The following NUP205 variants were observed in gnomAD, a reference collection of about 807,000 sequenced individuals.
The protein encoded by NUP205 is nuclear pore complex protein Nup205.
NUP205 carries 76 observed loss-of-function variants against 253.8 expected under a neutral mutation model. The observed-to-expected ratio is 0.30, with a 90% CI of 0.25 to 0.36. NUP205 has a LOEUF of 0.36. Ranked by LOEUF, NUP205 falls within the 10% of genes least tolerant of loss-of-function variation. NUP205 has a pLI of 1.00. For synonymous variants in NUP205, 832 were observed against 850.1 expected (o/e 0.98, Z 0.37); for missense variants, 2,162 against 2,425.5 (o/e 0.89, Z 2.28).
In NUP205 at chr7:135,616,264, A is replaced by G. The variant is rs572723742; in HGVS notation, c.3460+199A>G. The stretch of plus-strand genomic sequence containing the variant: ...TTATTTTAAGCATCCATATTACACT[A>G]TAATCATACCGGTATTATATACAAA... On this transcript the variant is annotated intron_variant, in intron 24 of 42. Transcript: ENST00000285968. Among the ~76,000 whole-genome samples, 4 of 152,304 alleles carry G rather than the reference A, an allele frequency of 2.6e-5. No individual in the cohort carries two copies. In the South Asian group the frequency reaches 6.2e-4, roughly 24 times the overall value.
rs78913303 is a variant in NUP205 at position 135,593,180 on chromosome 7, C to T, written c.1818C>T (p.Thr606=). The T allele has an allele frequency of 2.4e-3, 3,912 of 1,613,996 alleles. 87 individuals carry two copies. The African/African-American group carries it at 0.046, about 19-fold the overall frequency. The change falls in exon 12 of 43, where the codon ACC becomes ACT. Residue 606 remains threonine (T), a synonymous_variant. Coordinates refer to ENST00000285968, the MANE Select transcript of NUP205 (RefSeq NM_015135.3). ...TTGCTTTTTTGCAGCTCACGTCTAC[C>T]ATCATTACTTGGGTAGGTAACTCAT... ...GLIAFLQLTS[T]IITWSENARL... is the part of the protein sequence containing the mutation.
chr7:135,562,075 A>G (rs1805597991), intron 1 of NUP205, among the ~76,000 whole-genome samples: 1 of 152,002 alleles, frequency 6.6e-6, no homozygotes, highest in Non-Finnish European at 1.5e-5. Context: ...TGCTATGCCC[A>G]GCCTACTGAC....
intron 38 of NUP205, among the ~76,000 whole-genome samples, 183 bp downstream of exon 38, chr7:135,638,866 A>G (rs113717250): frequency 2.6e-5 from 4 of 152,316 alleles, no homozygotes; most frequent in African/African-American, 7.2e-5. Flanking sequence ...AAGACTGGAG[A>G]GAATAGAGAA....
In NUP205 at chr7:135,625,357, TA is replaced by T; in HGVS notation, c.4671+4del. ...CTTTATACTTATGAATCTAAAATGG[TA>T]AGGCTTTCTAGACATTTGATGTTAG... On this transcript the variant is annotated splice_donor_region_variant and intron_variant, in intron 32 of 42. Transcript: ENST00000285968. 1.3e-6 allele frequency: 2 copies of T among 1,577,062 alleles called. No individual in the cohort carries two copies. Among genetic ancestry groups the T allele is most frequent in the Non-Finnish European group, 8.6e-7 (1 of 1,163,978 alleles).
At chr7:135,609,720 T>C (rs954572856) in intron 22 of NUP205, among the ~76,000 whole-genome samples, 2 of 152,200 alleles carry the variant, frequency 1.3e-5, no homozygotes, top group Admixed American at 6.5e-5. Flanking sequence ...GTTAATCTCC[T>C]GCTTTTCTTT....
rs117252100 is a variant in NUP205, at chr7:135,577,512, A to G, written c.649-284A>G. Among the ~76,000 whole-genome samples, 22 of 152,300 alleles carry G rather than the reference A, an allele frequency of 1.4e-4. No individual in the cohort carries two copies. The East Asian group carries it at 4.1e-3, about 28-fold the overall frequency. The stretch of plus-strand genomic sequence containing the variant: ...AAAGTTTGTAGTCAGCTGTGTCCAT[A>G]AAATTGACTTGCAGTTGTTTCAGCT... On this transcript the variant is annotated intron_variant, in intron 5 of 42. Transcript: ENST00000285968.
Position 135,645,551 on chromosome 7 carries a change from T to G in NUP205, c.5767T>G (p.Ser1923Ala). The change falls in exon 41 of 43, where the codon TCC becomes GCC. Residue 1923 changes from serine (S) to alanine (A), a missense_variant. This residue lies in a region of NUP205 where 1,144 missense variants were observed against 1,280.9 expected (regional missense o/e 0.89). Transcript: ENST00000285968. ...LHCMPTDSQD[S>A]LFASRTLFKS... is the part of the protein sequence containing the mutation. ...TTGCATGCCCACGGATTCTCAAGAT[T>G]CCTTATTTGCCTCGAGAACCTTGTT... 1 of 1,614,188 alleles carries G rather than the reference T, an allele frequency of 6.2e-7. No homozygotes were observed. Among genetic ancestry groups the G allele is most frequent in the Non-Finnish European group, 8.5e-7 (1 of 1,180,026 alleles).
chr7:135,625,020 TA>T (rs1431531915), intron 31 of NUP205, 143 bp from the exon 32 acceptor site: 3 of 698,432 alleles, frequency 4.3e-6, no homozygotes, highest in African/African-American at 1.8e-5. Context: ...CAAAAAAAAA[TA>T]AAAAGGAAAT....
At chr7:135,597,562 A>G (rs144699287) in intron 14 of NUP205, 144 bp downstream of exon 14, 2 of 555,386 alleles carry the variant, frequency 3.6e-6, no homozygotes, top group East Asian at 2.9e-5. Context: ...TCAGTGTTGA[A>G]ATAGAGATGA....
intron 15 of NUP205, 42 bp from the exon 16 acceptor site, chr7:135,600,828 G>C: frequency 8.4e-7 from 1 of 1,189,328 alleles, no homozygotes; most frequent in Non-Finnish European, 1.2e-6. Context: ...CCACCACCTT[G>C]GTCTGTTTTA....
intron 16 of NUP205, among the ~76,000 whole-genome samples, 194 bp downstream of exon 16, chr7:135,601,163 A>G (rs941363715): frequency 3.3e-5 from 5 of 152,174 alleles, no homozygotes; most frequent in African/African-American, 7.2e-5. Flanking sequence ...CTGCATTACA[A>G]TTTCTCTAAT....
In NUP205 at chr7:135,594,595, G is replaced by A. The variant is rs140130511; in HGVS notation, c.1879G>A (p.Val627Ile). The change falls in exon 13 of 43, where the codon GTT (valine) becomes ATT (isoleucine). Residue 627 changes from valine (V) to isoleucine (I), a missense_variant. Physicochemically the swap from Val to Ile is conservative, Grantham distance 29. Transcript: ENST00000285968. ...ALCEHPQWTP[V>I]VVILGLLQCS... ...CTGTGAACACCCTCAGTGGACCCCT[G>A]TTGTGGTGATTCTGGGACTCCTCCA... 2.5e-5 allele frequency: 41 copies of A among 1,613,564 alleles called. No individual in the cohort carries two copies. Among genetic ancestry groups the A allele is most frequent in the Non-Finnish European group, 3.3e-5 (39 of 1,179,798 alleles).
At position 135,602,909 on chromosome 7, in the gene NUP205, G is replaced by T; in HGVS notation, c.2617G>T (p.Ala873Ser). 6.2e-7 allele frequency: 1 copy of T among 1,613,268 alleles called. No homozygotes were observed. The highest frequency in any genetic ancestry group is 8.5e-7 in the Non-Finnish European group (1 of 1,179,346). Residue 873 changes from alanine (A) to serine (S), a missense_variant, in exon 18 of 43, where the codon GCT becomes TCT. Around this residue, in one of 5 missense-constraint regions of NUP205, gnomAD observed 892 missense variants for 957.1 expected, o/e 0.93. Coordinates refer to ENST00000285968, the MANE Select transcript of NUP205 (RefSeq NM_015135.3). ...FMDLLRESQL[A>S]LIVCPLEQLL... is the part of the protein sequence containing the mutation. ...GGACCTTCTAAGAGAGAGTCAACTG[G>T]CTCTAATAGTCTGTCCTTTAGAACA...
intron 7 of NUP205, among the ~76,000 whole-genome samples, chr7:135,582,531 G>A (rs1221785068): frequency 2.0e-5 from 3 of 152,132 alleles, no homozygotes; most frequent in East Asian, 1.9e-4. Flanking sequence ...TGTTGCCCAG[G>A]CTGGAGTGCA....
intron 2 of NUP205, among the ~76,000 whole-genome samples, chr7:135,573,201 A>G (rs1191381359): frequency 6.6e-6 from 1 of 152,180 alleles, no homozygotes; most frequent in African/African-American, 2.4e-5. Context: ...ACTGTACGTC[A>G]TATGTTAAAT....
chr7:135,612,627 C>T (rs1794268056), intron 22 of NUP205, among the ~76,000 whole-genome samples: 1 of 152,128 alleles, frequency 6.6e-6, no homozygotes, highest in African/African-American at 2.4e-5. Flanking sequence ...AAGCATTGCT[C>T]CATTAGAGAG....
chr7:135,565,676 C>T (rs1301723101), intron 1 of NUP205, among the ~76,000 whole-genome samples: 1 of 152,110 alleles, frequency 6.6e-6, no homozygotes, highest in African/African-American at 2.4e-5. Flanking sequence ...AGGTGATCTG[C>T]CCACCTTGGC....
rs1554456271 is a variant in NUP205 at position 135,570,083 on chromosome 7, A to AGAGT, written c.29-1019_29-1018insTGAG. Among the ~76,000 whole-genome samples the AGAGT allele has an allele frequency of 3.3e-3, 494 of 149,038 alleles. 2 individuals are homozygous for AGAGT. The highest frequency in any genetic ancestry group is 4.5e-3 in the Non-Finnish European group (302 of 67,300). ...GAGAGAGAGAGAGAGAGAGAGAGAG[A>AGAGT]GAGAGAGAGAGAAACTGAAGTTTAA... On this transcript the variant is annotated intron_variant, in intron 1 of 42. Transcript: ENST00000285968.
rs1192139546 is a variant in NUP205, at chr7:135,559,760, CG to C, written c.28+1790del. 3.4e-5 allele frequency among the ~76,000 whole-genome samples: 5 copies of C among 147,882 alleles called. No homozygotes were observed. In the Admixed American group the frequency reaches 3.4e-4, roughly 10 times the overall value. On this transcript the variant is annotated intron_variant, in intron 1 of 42. Transcript: ENST00000285968. The stretch of plus-strand genomic sequence containing the variant: ...AGGCTGGAGTGCAGTGGCGTGATCT[CG>C]GCTCACTGCAGCCTCCACCTCCTGG...
Sources: allele counts gnomAD v4.1 joint callset (sites outside exome capture counted in the v4.1 genomes callset), GRCh38; gene constraint gnomAD v4.1.1; regional missense constraint gnomAD v4.1.1; transcripts MANE v1.5; gene names NCBI Gene and HGNC (gene_info 2026-07-23, HGNC 2026-07-21).